The following DPP6 variants were observed in gnomAD, a reference collection of about 807,000 sequenced individuals.
The protein encoded by DPP6 is A-type potassium channel modulatory protein DPP6.
In DPP6, 69 loss-of-function variants were observed where a neutral mutation model predicts 122.6. The ratio of observed to expected loss-of-function variants is 0.56; its 90% CI spans 0.46 to 0.69. The LOEUF (loss-of-function observed/expected upper bound fraction) is 0.69, where lower values mean the gene tolerates loss of function less well. DPP6 is among the 30% of genes least tolerant of loss of function. The pLI, the probability that DPP6 is intolerant of heterozygous loss-of-function variation, is 0.00. For synonymous variants in DPP6, 418 were observed against 433.1 expected, an observed-to-expected ratio of 0.97 and a Z score of 0.43; for missense variants, 928 against 1,116.9, an observed-to-expected ratio of 0.83 and a Z score of 2.41.
chr7:154,730,015 T>C (rs887499542), intron 8 of DPP6, among the ~76,000 whole-genome samples: 9 of 152,208 alleles, frequency 5.9e-5, no homozygotes, highest in Non-Finnish European at 1.2e-4. Flanking sequence ...CCGGAGGGGC[T>C]GCACCTCTGC....
intron 1 of DPP6, among the ~76,000 whole-genome samples, chr7:154,143,889 A>G (rs1439197655): frequency 1.3e-5 from 2 of 152,282 alleles, no homozygotes; most frequent in South Asian, 4.1e-4. Flanking sequence ...ATCTTTGTAC[A>G]TTCATTAAAT....
At chr7:154,525,211 A>G (rs1479483704) in intron 3 of DPP6, among the ~76,000 whole-genome samples, 2 of 152,248 alleles carry the variant, frequency 1.3e-5, no homozygotes, top group South Asian at 2.1e-4. Flanking sequence ...TGGCACAATC[A>G]TAGCTCATTG....
intron 17 of DPP6, chr7:154,858,155 C>T (rs1463589070): frequency 6.6e-6 from 1 of 152,230 alleles, no homozygotes; most frequent in Non-Finnish European, 1.5e-5. Flanking sequence ...CAGCATTTAT[C>T]AGCACTTGCT....
chr7:153,976,140 A>C (rs1444878611), intron 1 of DPP6, among the ~76,000 whole-genome samples: 1 of 152,044 alleles, frequency 6.6e-6, no homozygotes, highest in Non-Finnish European at 1.5e-5. Flanking sequence ...TGCAAACCTG[A>C]GTAAGGGTGA....
intron 8 of DPP6, among the ~76,000 whole-genome samples, chr7:154,730,545 T>C (rs1415896561): frequency 6.6e-6 from 1 of 152,238 alleles, no homozygotes; most frequent in African/African-American, 2.4e-5. Flanking sequence ...TTTATTACTA[T>C]TATTGTAATT....
chr7:154,510,079 A>C (rs1451537484), intron 3 of DPP6, among the ~76,000 whole-genome samples: 1 of 152,192 alleles, frequency 6.6e-6, no homozygotes. Context: ...TAAATTGATG[A>C]ATTGTATGGT....
chr7:154,694,000 T>G (rs6973074), intron 7 of DPP6, among the ~76,000 whole-genome samples: 131,531 of 152,164 alleles, frequency 0.86, 56,948 homozygotes, highest in East Asian at 0.92. Flanking sequence ...TAGACTGGGG[T>G]GCTTAGAAAA....
intron 1 of DPP6, among the ~76,000 whole-genome samples, chr7:154,381,331 A>G (rs1586112090): frequency 6.6e-6 from 1 of 152,216 alleles, no homozygotes; most frequent in Non-Finnish European, 1.5e-5. Context: ...AGAAGGAACT[A>G]ACAGTTAGTG....
intron 1 of DPP6, among the ~76,000 whole-genome samples, chr7:153,959,732 C>CA (rs1200157208): frequency 6.6e-6 from 1 of 152,240 alleles, no homozygotes; most frequent in Non-Finnish European, 1.5e-5. Context: ...GCAGACCACT[C>CA]AAAGTTTCTT....
chr7:154,327,263 T>A (rs960759672), intron 1 of DPP6, among the ~76,000 whole-genome samples: 6 of 152,192 alleles, frequency 3.9e-5, no homozygotes, highest in African/African-American at 1.4e-4. Context: ...AAAGCCGTGT[T>A]AAGTGCTTTG....
intron 2 of DPP6, among the ~76,000 whole-genome samples, chr7:154,450,514 T>A (rs1004289287): frequency 4.0e-5 from 6 of 151,830 alleles, no homozygotes; most frequent in Non-Finnish European, 8.8e-5. Flanking sequence ...GTGCCAGACA[T>A]ACTAAATTGC....
At chr7:154,297,787 G>A (rs1321772367) in intron 1 of DPP6, among the ~76,000 whole-genome samples, 1 of 152,172 alleles carries the variant, frequency 6.6e-6, no homozygotes, top group African/African-American at 2.4e-5. Context: ...TGGTCTCATG[G>A]TTCCAGATTG....
intron 10 of DPP6, among the ~76,000 whole-genome samples, chr7:154,776,199 T>TGATTGATAGATAGATAGATA (rs1554463871): frequency 6.7e-6 from 1 of 148,442 alleles, no homozygotes; most frequent in Non-Finnish European, 1.5e-5. Flanking sequence ...CCATGATAGA[T>TGATTGATAGATAGATAGATA]GATAGATAGA....
chr7:154,529,971 T>C (rs10265579), intron 3 of DPP6, among the ~76,000 whole-genome samples: 75,226 of 151,526 alleles, frequency 0.5, 18,917 homozygotes, highest in African/African-American at 0.54. Flanking sequence ...ACTACAAATA[T>C]GAAAATTAGC....
At chr7:154,200,316 C>T (rs1173267335) in intron 1 of DPP6, among the ~76,000 whole-genome samples, 1 of 152,000 alleles carries the variant, frequency 6.6e-6, no homozygotes, top group Non-Finnish European at 1.5e-5. Context: ...TCTTCATTAC[C>T]TTAAATATTT....
chr7:153,846,624 GC>G, the DPP6 span, among the ~76,000 whole-genome samples: 3 of 148,902 alleles, frequency 2.0e-5, no homozygotes, highest in African/African-American at 7.4e-5. Context: ...TTCTTCTTCT[GC>G]AATTCCAATT....
In DPP6 at chr7:154,755,148, T is replaced by TAAAAA. The variant is rs71803736; in HGVS notation, c.884-14257_884-14253dup. On this transcript the variant is annotated intron_variant, in intron 8 of 25. Transcript: ENST00000377770. The surrounding 1 kb of genome is among the most constrained non-coding windows in gnomAD (Gnocchi z 4.7). ...TCCCAGAACTTAAAGTAAAATAAAT[T>TAAAAA]AAAAAAAAAAAAAAAAGAAACTGAA... 2.3e-5 allele frequency among the ~76,000 whole-genome samples: 3 copies of TAAAAA among 131,580 alleles called. No homozygotes were observed. The highest frequency in any genetic ancestry group is 3.3e-5 in the Non-Finnish European group (2 of 60,952). 86.3% of individuals were successfully genotyped at this position (131,580 alleles called of 152,430 possible).
chr7:154,501,085 T>A (rs1825198832), intron 3 of DPP6, among the ~76,000 whole-genome samples: 1 of 152,172 alleles, frequency 6.6e-6, no homozygotes, highest in Non-Finnish European at 1.5e-5. Flanking sequence ...GCCCTAGAGA[T>A]TTGTGGAACT....
chr7:154,140,060 T>C (rs931058966), intron 1 of DPP6, among the ~76,000 whole-genome samples: 1 of 152,134 alleles, frequency 6.6e-6, no homozygotes, highest in Non-Finnish European at 1.5e-5. Flanking sequence ...TTAGGTCTGA[T>C]GGGGGGTAGC....
Sources: gnomAD v4.1 joint callset for allele counts (sites outside exome capture counted in the v4.1 genomes callset) on GRCh38, gnomAD v4.1.1 for gene constraint, Gnocchi (gnomAD v3.1) non-coding constraint, MANE v1.5 for transcripts, NCBI Gene and HGNC (gene_info 2026-07-23, HGNC 2026-07-21) for gene names.